ARHGAP23: variants seen among roughly 807,000 people sequenced by gnomAD.
The protein encoded by ARHGAP23 is rho GTPase-activating protein 23.
ARHGAP23 carries 34 observed loss-of-function variants against 136.3 expected under a neutral mutation model. That is an observed-to-expected ratio of 0.25 (90% CI 0.19 to 0.33). The LOEUF is 0.33. Among genes scored for constraint, ARHGAP23 ranks in the 10% least tolerant of loss-of-function variants. The probability of loss-of-function intolerance (pLI) is 1.00; values close to 1 mark genes in which losing one functional copy is unlikely to be tolerated. For missense variants in ARHGAP23, 1,808 were observed against 2,139.0 expected (o/e 0.85, Z 3.05); for synonymous variants, 832 against 920.5 (o/e 0.90, Z 1.74).
chr17:38,473,997 T>C (rs912701542), intron 11 of ARHGAP23, among the ~76,000 whole-genome samples: 1 of 152,190 alleles, frequency 6.6e-6, no homozygotes, highest in African/African-American at 2.4e-5. Context: ...CTCAGCTCAC[T>C]GCAACCTCCG....
chr17:38,424,020 A>G (rs1478191453), upstream of ARHGAP23, among the ~76,000 whole-genome samples: 1 of 152,134 alleles, frequency 6.6e-6, no homozygotes, highest in African/African-American at 2.4e-5. Flanking sequence ...TATCGTTTTC[A>G]TCTTACAGAG....
At chr17:38,465,567 G>A (rs1337342384) in intron 6 of ARHGAP23, among the ~76,000 whole-genome samples, 1 of 152,234 alleles carries the variant, frequency 6.6e-6, no homozygotes, top group Non-Finnish European at 1.5e-5. Flanking sequence ...TCAGCTCCCA[G>A]TGCCAAATTC....
chr17:38,469,578 G>T lies in ARHGAP23; in HGVS notation c.1859G>T (p.Arg620Leu). 6.5e-7 allele frequency: 1 copy of T among 1,548,690 alleles called. No individual in the cohort carries two copies. The highest frequency in any genetic ancestry group is 8.7e-7 in the Non-Finnish European group (1 of 1,146,726). ...SSYLLAITTERSKSCDDGLNT... is the reference protein window; with the variant it reads ...SSYLLAITTELSKSCDDGLNT... Reference sequence around the variant, plus strand: ...TACCTGCTGGCCATCACCACGGAGCGCTCCAAGTCCTGCGATGATGGACTC... The same window carrying T: ...TACCTGCTGGCCATCACCACGGAGCTCTCCAAGTCCTGCGATGATGGACTC... The change falls in exon 9 of 24, where the codon CGC (arginine) becomes CTC (leucine). Residue 620 changes from arginine (R) to leucine (L), a missense_variant. By Grantham distance (102) the Arg-to-Leu change is moderately radical. Around this residue, in one of 7 missense-constraint regions of ARHGAP23, gnomAD observed 859 missense variants for 936.4 expected, o/e 0.92. Coordinates refer to ENST00000622683, the MANE Select transcript of ARHGAP23 (RefSeq NM_001199417.2).
chr17:38,434,707 G>A (rs372922971), intron 1 of ARHGAP23, among the ~76,000 whole-genome samples: 1 of 152,216 alleles, frequency 6.6e-6, no homozygotes, highest in Non-Finnish European at 1.5e-5. Context: ...ATTCTGGCCC[G>A]AGAGTGTTTC....
At chr17:38,455,197 A>G (rs991738434) in intron 1 of ARHGAP23, among the ~76,000 whole-genome samples, 8 of 152,216 alleles carry the variant, frequency 5.3e-5, no homozygotes, top group African/African-American at 1.9e-4. Flanking sequence ...TGCATGTATT[A>G]TAGCATGAAG....
chr17:38,459,772 C>T (rs1003443752), intron 2 of ARHGAP23, among the ~76,000 whole-genome samples: 2 of 152,204 alleles, frequency 1.3e-5, no homozygotes, highest in Non-Finnish European at 2.9e-5. Context: ...TGGCAGCCTG[C>T]AGGGAGCTCA....
chr17:38,479,629 C>A, intron 13 of ARHGAP23, 124 bp from the exon 14 acceptor site: 1 of 1,409,232 alleles, frequency 7.1e-7, no homozygotes, highest in Non-Finnish European at 9.7e-7. Context: ...CTCCAGGCTG[C>A]AGTTAGGCAT....
intron 1 of ARHGAP23, among the ~76,000 whole-genome samples, chr17:38,456,005 C>T (rs564851870): frequency 6.6e-6 from 1 of 152,212 alleles, no homozygotes. Flanking sequence ...TTACGTGGCC[C>T]CTGTCTGGTA....
chr17:38,493,039 G>A (rs1236035622), intron 20 of ARHGAP23, among the ~76,000 whole-genome samples: 1 of 152,226 alleles, frequency 6.6e-6, no homozygotes, highest in East Asian at 1.9e-4. Flanking sequence ...CCTGCTCTGG[G>A]CAGGGTGGAG....
At chr17:38,501,449 C>G (rs2040517901) in intron 23 of ARHGAP23, among the ~76,000 whole-genome samples, 1 of 152,034 alleles carries the variant, frequency 6.6e-6, no homozygotes, top group Non-Finnish European at 1.5e-5. Flanking sequence ...CTACAGGCGC[C>G]CACCATCACG....
At position 38,510,978 on chromosome 17, in the gene ARHGAP23, A is replaced by T; in HGVS notation, c.*6A>T. 7.0e-7 allele frequency: 1 copy of T among 1,423,388 alleles called. No homozygotes were observed. Among genetic ancestry groups the T allele is most frequent in the Admixed American group, 3.3e-5 (1 of 30,544 alleles). The allele number at this position is 1,423,388 out of a possible 1,614,324, so 88.2% of individuals were successfully genotyped here. A position where few individuals can be genotyped will look rare whatever the true frequency, so the allele number is the denominator to read the frequency against. On this transcript the variant is annotated 3_prime_UTR_variant, in exon 24 of 24. Coordinates refer to ENST00000622683, the MANE Select transcript of ARHGAP23 (RefSeq NM_001199417.2). This position sits in a 1 kb window ranked among gnomAD's most constrained non-coding sequence, Gnocchi z 4.6. ...GCCTGCATCAGTGTCTGTGATCCCCACCTCCCGCGCCGCTCGGGCGCCACC... is the reference window on the plus strand; with the variant it reads ...GCCTGCATCAGTGTCTGTGATCCCCTCCTCCCGCGCCGCTCGGGCGCCACC...
intron 23 of ARHGAP23, among the ~76,000 whole-genome samples, chr17:38,504,122 A>G (rs1008369578): frequency 1.3e-5 from 2 of 152,140 alleles, no homozygotes; most frequent in African/African-American, 4.8e-5. Flanking sequence ...GTGCTCTGGT[A>G]TCTGAGTTCT....
At chr17:38,443,498 C>G (rs2038964028) in intron 1 of ARHGAP23, among the ~76,000 whole-genome samples, 1 of 152,126 alleles carries the variant, frequency 6.6e-6, no homozygotes, top group South Asian at 2.1e-4. Flanking sequence ...ACCAGAGAGC[C>G]CAGCCCAGGG....
At chr17:38,437,759 T>C (rs2038830776) in intron 1 of ARHGAP23, among the ~76,000 whole-genome samples, 1 of 148,950 alleles carries the variant, frequency 6.7e-6, no homozygotes. Flanking sequence ...TTTCCACAGC[T>C]GAGCCCTGAA....
At chr17:38,432,619 C>T (rs1344538440) in intron 1 of ARHGAP23, among the ~76,000 whole-genome samples, 3 of 151,608 alleles carry the variant, frequency 2.0e-5, no homozygotes, top group East Asian at 3.9e-4. Context: ...AGGGAGATTG[C>T]AATGAGCCAA....
intron 23 of ARHGAP23, among the ~76,000 whole-genome samples, chr17:38,502,188 C>T (rs2040537220): frequency 6.6e-6 from 1 of 152,326 alleles, no homozygotes; most frequent in East Asian, 1.9e-4. Flanking sequence ...CGCCTGTAAT[C>T]CCAGCTACTC....
At chr17:38,455,166 C>T (rs566369387) in intron 1 of ARHGAP23, among the ~76,000 whole-genome samples, 1 of 152,322 alleles carries the variant, frequency 6.6e-6, no homozygotes, top group African/African-American at 2.4e-5. Flanking sequence ...TGTCCCAGGT[C>T]ACAGGGGAGG....
At chr17:38,461,597 G>A (rs755441716) in intron 3 of ARHGAP23, among the ~76,000 whole-genome samples, 4 of 152,214 alleles carry the variant, frequency 2.6e-5, no homozygotes, top group Admixed American at 6.5e-5. Flanking sequence ...GACCTAGAGC[G>A]GCCCATTTCT....
intron 10 of ARHGAP23, among the ~76,000 whole-genome samples, chr17:38,470,189 C>G (rs1050021770): frequency 1.3e-5 from 2 of 152,176 alleles, no homozygotes; most frequent in Non-Finnish European, 2.9e-5. Flanking sequence ...CCCCTGTCTT[C>G]GCGGCTTTTT....
Sources: allele counts gnomAD v4.1 joint callset (sites outside exome capture counted in the v4.1 genomes callset), GRCh38; gene constraint gnomAD v4.1.1; regional missense constraint gnomAD v4.1.1; non-coding constraint Gnocchi (gnomAD v3.1); transcripts MANE v1.5; gene names NCBI Gene and HGNC (gene_info 2026-07-23, HGNC 2026-07-21).